Variants in ASCC1 observed in about 807,000 individuals in gnomAD.
ASCC1 encodes the protein activating signal cointegrator 1 complex subunit 1.
Under a neutral mutation model 46.6 loss-of-function variants are expected in ASCC1, and 35 were observed. The ratio of observed to expected loss-of-function variants is 0.75; its 90% confidence interval spans 0.57 to 0.99. The LOEUF (loss-of-function observed/expected upper bound fraction) is 0.99. ASCC1 is among the 50% of genes least tolerant of loss of function. The probability of loss-of-function intolerance (pLI) is 0.00; values close to 1 mark genes in which losing one functional copy is unlikely to be tolerated. For missense variants in ASCC1, 376 were observed against 428.7 expected (o/e 0.88, Z 1.09); for synonymous variants, 143 against 146.6 (o/e 0.98, Z 0.18).
rs201913206 is a variant in ASCC1, at chr10:72,197,906, A to AAAAT, written c.311-921_311-918dup. Among the ~76,000 whole-genome samples the AAAAT allele has an allele frequency of 3.6e-3, 510 of 140,006 alleles. 5 individuals are homozygous for AAAAT. The highest frequency in any genetic ancestry group is 0.015 in the East Asian group (71 of 4,882). The allele number at this position is 140,006 out of a possible 152,430, so 91.8% of individuals were successfully genotyped here. A position where few individuals can be genotyped will look rare whatever the true frequency, so the allele number is the denominator to read the frequency against. On this transcript the variant is annotated intron_variant, in intron 4 of 9. Coordinates refer to ENST00000672957, the MANE Select transcript of ASCC1 (RefSeq NM_001198800.3). The stretch of plus-strand genomic sequence containing the variant: ...GGGCAACAGAGCTAGACCCTGTCTC[A>AAAAT]AAATAAATAAATAAATAAATAAATA...
intron 3 of ASCC1, among the ~76,000 whole-genome samples, chr10:72,205,288 G>A (rs1474402214): frequency 6.6e-6 from 1 of 152,060 alleles, no homozygotes; most frequent in Non-Finnish European, 1.5e-5. Context: ...TGGCCAACAT[G>A]GCGAAACCCT....
At chr10:72,190,512 T>C (rs1854257819) in intron 5 of ASCC1, 30 of 1,567,662 alleles carry the variant, frequency 1.9e-5, no homozygotes, top group Non-Finnish European at 2.4e-5. Flanking sequence ...CACCACACTA[T>C]TGGTGGTTCT....
chr10:72,107,721 C>T (rs1176925176), intron 9 of ASCC1, among the ~76,000 whole-genome samples: 3 of 152,158 alleles, frequency 2.0e-5, no homozygotes, highest in Non-Finnish European at 4.4e-5. Context: ...GCAGACTAGA[C>T]GTTTTTAATG....
intron 9 of ASCC1, among the ~76,000 whole-genome samples, chr10:72,104,167 T>A (rs1235854160): frequency 6.6e-6 from 1 of 152,154 alleles, no homozygotes; most frequent in Non-Finnish European, 1.5e-5. Flanking sequence ...TTGATTCCTG[T>A]ACTCTATTGC....
intron 5 of ASCC1, among the ~76,000 whole-genome samples, chr10:72,172,888 T>C (rs1334653982): frequency 2.2e-5 from 3 of 133,990 alleles, no homozygotes; most frequent in East Asian, 4.0e-4. Context: ...TATATTTTTA[T>C]ATTATATATA....
intron 5 of ASCC1, chr10:72,190,019 T>C (rs1854171227): frequency 1.3e-6 from 1 of 758,700 alleles, no homozygotes; most frequent in East Asian, 2.4e-5. Context: ...GAGGGTCCAC[T>C]GCTGGCAGTA....
At chr10:72,159,731 G>A (rs1014737834) in intron 6 of ASCC1, among the ~76,000 whole-genome samples, 1 of 152,030 alleles carries the variant, frequency 6.6e-6, no homozygotes, top group Non-Finnish European at 1.5e-5. Flanking sequence ...AGATATGTCC[G>A]TTACTGAGCA....
At chr10:72,129,925 G>A (rs1213528156) in intron 8 of ASCC1, among the ~76,000 whole-genome samples, 1 of 130,880 alleles carries the variant, frequency 7.6e-6, no homozygotes, top group Non-Finnish European at 1.5e-5. Context: ...AGGTTGCAGA[G>A]AGCCAAGATC....
intron 9 of ASCC1, among the ~76,000 whole-genome samples, chr10:72,114,320 C>A (rs181070714): frequency 1.3e-5 from 2 of 152,106 alleles, no homozygotes; most frequent in East Asian, 3.9e-4. Flanking sequence ...AGTTGAGTAA[C>A]CTAATTTTAA....
At chr10:72,176,186 C>G (rs1851831341) in intron 5 of ASCC1, among the ~76,000 whole-genome samples, 1 of 152,136 alleles carries the variant, frequency 6.6e-6, no homozygotes, top group African/African-American at 2.4e-5. Flanking sequence ...GCCACAAACC[C>G]TATTCTTCTT....
At chr10:72,201,585 C>G (rs576166011) in intron 4 of ASCC1, among the ~76,000 whole-genome samples, 5 of 151,888 alleles carry the variant, frequency 3.3e-5, no homozygotes, top group African/African-American at 1.2e-4. Flanking sequence ...ACTTGGAAGG[C>G]CGAGGGAAAA....
intron 7 of ASCC1, among the ~76,000 whole-genome samples, chr10:72,149,197 G>A (rs1847988073): frequency 6.6e-6 from 1 of 151,618 alleles, no homozygotes; most frequent in African/African-American, 2.4e-5. Context: ...CCAGCACTTT[G>A]GGAGGCCAAG....
rs188875203 is a variant in ASCC1 at position 72,123,926 on chromosome 10, T to C, written c.957+4156A>G. Among the ~76,000 whole-genome samples, 18 of 152,310 alleles carry C rather than the reference T, an allele frequency of 1.2e-4. No homozygotes were observed. The East Asian group carries it at 3.3e-3, about 28-fold the overall frequency. ...TACGTCTCATGTACATATATAAATATACACATATATATTTCAGCAAAAAAG... is the reference window on the plus strand; with the variant it reads ...TACGTCTCATGTACATATATAAATACACACATATATATTTCAGCAAAAAAG... On this transcript the variant is annotated intron_variant, in intron 9 of 9. Transcript: ENST00000672957.
At chr10:72,166,389 G>A (rs939691783) in intron 5 of ASCC1, among the ~76,000 whole-genome samples, 3 of 152,028 alleles carry the variant, frequency 2.0e-5, no homozygotes, top group Admixed American at 6.6e-5. Context: ...GATCGCTTGA[G>A]GCCAGGAGTT....
chr10:72,123,682 A>T (rs565299188), intron 9 of ASCC1, among the ~76,000 whole-genome samples: 3 of 152,164 alleles, frequency 2.0e-5, no homozygotes, highest in Non-Finnish European at 4.4e-5. Flanking sequence ...AAAAAAATTG[A>T]ATTTATCTTT....
At chr10:72,112,035 T>C (rs1446631989) in intron 9 of ASCC1, among the ~76,000 whole-genome samples, 3 of 152,184 alleles carry the variant, frequency 2.0e-5, no homozygotes, top group African/African-American at 7.2e-5. Flanking sequence ...CCTCTAACAT[T>C]TGGAATAACA....
rs573910884 is a variant in ASCC1 at position 72,196,988 on chromosome 10, T to G, written c.312A>C (p.Val104=). ...IPKPGQDGEI[V]ITGQHRNGVI... ...CACCATTTCGATGCTGGCCAGTGAT[T>G]ACTGTAAACAAAGAAGAAAGGGTAA... The change falls in exon 5 of 10, where the codon GTA becomes GTC. Residue 104 remains valine (V), a splice_region_variant and synonymous_variant. Transcript: ENST00000672957. The G allele has an allele frequency of 6.2e-7, 1 of 1,613,578 alleles. No individual in the cohort carries two copies. Among genetic ancestry groups the G allele is most frequent in the African/African-American group, 1.3e-5 (1 of 75,044 alleles).
In ASCC1 at chr10:72,130,822, T is replaced by C. The variant is rs545711672; in HGVS notation, c.871+2235A>G. On this transcript the variant is annotated intron_variant, in intron 8 of 9. Coordinates refer to ENST00000672957, the MANE Select transcript of ASCC1 (RefSeq NM_001198800.3). ...CCCCATGTGTCTAGTGGCTACCATA[T>C]TGGACATCGCAGATACAGAATACTT... Among the ~76,000 whole-genome samples the C allele has an allele frequency of 2.0e-4, 30 of 152,306 alleles. 1 individual carries two copies. The South Asian group carries it at 6.0e-3, about 31-fold the overall frequency.
chr10:72,169,800 C>T (rs1850824413), intron 5 of ASCC1, among the ~76,000 whole-genome samples: 1 of 152,038 alleles, frequency 6.6e-6, no homozygotes, highest in Non-Finnish European at 1.5e-5. Flanking sequence ...ATATCAAATC[C>T]ACACTAGAGG....
Sources: allele counts gnomAD v4.1 joint callset (sites outside exome capture counted in the v4.1 genomes callset), GRCh38; gene constraint gnomAD v4.1.1; transcripts MANE v1.5; gene names NCBI Gene and HGNC (gene_info 2026-07-23, HGNC 2026-07-21).